PFKFB3: variants seen among roughly 807,000 people sequenced by gnomAD.
PFKFB3 encodes 6-phosphofructo-2-kinase/fructose-2,6-bisphosphatase 3.
A neutral mutation model predicts 68.0 loss-of-function variants in PFKFB3; 33 were observed. The observed-to-expected ratio is 0.49, with a 90% CI of 0.37 to 0.65. PFKFB3 has a LOEUF of 0.65. PFKFB3 is among the 30% of genes least tolerant of loss of function. The pLI, the probability that PFKFB3 is intolerant of heterozygous loss-of-function variation, is 0.00. For missense variants in PFKFB3, 586 were observed against 712.2 expected (o/e 0.82, Z 2.02); for synonymous variants, 315 against 288.2 (o/e 1.09, Z -0.94).
At chr10:6,284,781 T>G in the PFKFB3 span, among the ~76,000 whole-genome samples, 5 of 152,258 alleles carry the variant, frequency 3.3e-5, no homozygotes, top group East Asian at 9.6e-4. Context: ...CTATGTTACA[T>G]TCTTTCCCTA....
At chr10:6,187,039 G>A (rs634481) in intron 1 of PFKFB3, among the ~76,000 whole-genome samples, 67,898 of 151,634 alleles carry the variant, frequency 0.45, 16,386 homozygotes, top group Non-Finnish European at 0.56. Flanking sequence ...GTGGAAGTGC[G>A]GTGTGGGCTT....
intron 14 of PFKFB3, chr10:6,226,574 G>A (rs750332153): frequency 9.1e-5 from 51 of 560,840 alleles, no homozygotes; most frequent in Non-Finnish European, 1.3e-4. Context: ...AGCACCCTCC[G>A]AAGTTAAGAT....
intron 1 of PFKFB3, among the ~76,000 whole-genome samples, chr10:6,149,296 A>G (rs181678630): frequency 6.6e-6 from 1 of 152,024 alleles, no homozygotes; most frequent in East Asian, 2.0e-4. Flanking sequence ...CTAATAATAA[A>G]TAACAATAAG....
At chr10:6,274,032 C>G in the PFKFB3 span, among the ~76,000 whole-genome samples, 1 of 152,002 alleles carries the variant, frequency 6.6e-6, no homozygotes, top group South Asian at 2.1e-4. Flanking sequence ...ATGGGGAGAC[C>G]TGTCTCTACA....
chr10:6,192,009 C>T (rs1174932584), intron 1 of PFKFB3, among the ~76,000 whole-genome samples: 1 of 103,048 alleles, frequency 9.7e-6, no homozygotes, highest in Admixed American at 1.1e-4. Context: ...CAATCAATCC[C>T]TAGATGAGTA....
At chr10:6,230,969 G>A (rs1323634832) in intron 14 of PFKFB3, among the ~76,000 whole-genome samples, 1 of 152,148 alleles carries the variant, frequency 6.6e-6, no homozygotes, top group South Asian at 2.1e-4. Flanking sequence ...ACCCGCCTTG[G>A]CCTCCCAAAG....
At chr10:6,251,104 C>G (rs908966060) in intron 14 of PFKFB3, among the ~76,000 whole-genome samples, 3 of 152,168 alleles carry the variant, frequency 2.0e-5, no homozygotes, top group African/African-American at 7.2e-5. Context: ...ACCATTGAAC[C>G]AGGAAAACCC....
upstream of PFKFB3, among the ~76,000 whole-genome samples, chr10:6,199,294 A>G (rs1391365295): frequency 9.2e-5 from 14 of 152,136 alleles, no homozygotes; most frequent in Admixed American, 7.2e-4. Context: ...GCACAGGATC[A>G]CGGAAATGCG....
chr10:6,311,162 G>A, the PFKFB3 span, among the ~76,000 whole-genome samples: 4 of 152,258 alleles, frequency 2.6e-5, no homozygotes, highest in Middle Eastern at 3.4e-3. Flanking sequence ...GTCATATCAC[G>A]ACTGCTTTTC....
the PFKFB3 span, among the ~76,000 whole-genome samples, chr10:6,286,475 T>C: frequency 1.3e-5 from 2 of 152,058 alleles, no homozygotes; most frequent in South Asian, 4.1e-4. Flanking sequence ...CCTCCTGGGT[T>C]CAAGTGATTC....
At chr10:6,279,455 T>C in the PFKFB3 span, among the ~76,000 whole-genome samples, 2 of 152,226 alleles carry the variant, frequency 1.3e-5, 1 homozygote, top group South Asian at 4.1e-4. Flanking sequence ...ATTTTATTTT[T>C]CCTGTTCATC....
At position 6,229,525 on chromosome 10, in the gene PFKFB3, C is replaced by T. The variant is rs1338521940; in HGVS notation, c.1515+3160C>T. 6.6e-6 allele frequency among the ~76,000 whole-genome samples: 1 copy of T among 152,190 alleles called. No individual in the cohort carries two copies. The highest frequency in any genetic ancestry group is 6.5e-5 in the Admixed American group (1 of 15,286). ...CCTCGTGTACCCCCACAGCCACCCC[C>T]TTGCAGCTGCTTCCCACAGCCAGGC... On this transcript the variant is annotated intron_variant, in intron 14 of 14. Transcript: ENST00000379775. This position sits in a 1 kb window ranked among gnomAD's most constrained non-coding sequence, Gnocchi z 4.3.
chr10:6,206,845 G>GC (rs1843783725), intron 1 of PFKFB3, among the ~76,000 whole-genome samples: 1 of 73,894 alleles, frequency 1.4e-5, no homozygotes, highest in Non-Finnish European at 3.1e-5. Context: ...AGACGGGGTG[G>GC]CGGCCGGGCA....
At chr10:6,284,546 T>C in the PFKFB3 span, among the ~76,000 whole-genome samples, 1 of 152,234 alleles carries the variant, frequency 6.6e-6, no homozygotes, top group Non-Finnish European at 1.5e-5. Context: ...ATTAGTAACT[T>C]TCTTCATCCT....
the PFKFB3 span, among the ~76,000 whole-genome samples, chr10:6,299,525 G>A: frequency 6.6e-6 from 1 of 152,180 alleles, no homozygotes; most frequent in Admixed American, 6.5e-5. Flanking sequence ...CCTCACTCCG[G>A]CATTGATCTT....
chr10:6,317,789 A>G, the PFKFB3 span, among the ~76,000 whole-genome samples: 1 of 152,282 alleles, frequency 6.6e-6, no homozygotes, highest in Non-Finnish European at 1.5e-5. Flanking sequence ...ACAGAGGCTG[A>G]GGGTGGAAAG....
chr10:6,307,315 CACAT>C, the PFKFB3 span, among the ~76,000 whole-genome samples: 1 of 141,394 alleles, frequency 7.1e-6, no homozygotes, highest in East Asian at 2.1e-4. Flanking sequence ...CAGACACACA[CACAT>C]GCATGCGTAC....
chr10:6,241,561 A>G (rs1001860326), intron 14 of PFKFB3, among the ~76,000 whole-genome samples: 2 of 152,124 alleles, frequency 1.3e-5, no homozygotes, highest in Non-Finnish European at 2.9e-5. Flanking sequence ...GCCAGGTCGC[A>G]TGGCTCATGC....
chr10:6,204,199 G>T (rs3793715), intron 1 of PFKFB3, among the ~76,000 whole-genome samples: 48,554 of 152,290 alleles, frequency 0.32, 8,080 homozygotes, highest in African/African-American at 0.39. Flanking sequence ...CGCCGCCGCG[G>T]AAAAGGGCGG....
Sources: gnomAD v4.1 joint callset for allele counts (sites outside exome capture counted in the v4.1 genomes callset) on GRCh38, gnomAD v4.1.1 for gene constraint, Gnocchi (gnomAD v3.1) non-coding constraint, MANE v1.5 for transcripts, NCBI Gene and HGNC (gene_info 2026-07-23, HGNC 2026-07-21) for gene names.